The following BUB1B variants were observed in gnomAD, a reference collection of about 807,000 sequenced individuals.
BUB1B encodes the protein mitotic checkpoint serine/threonine-protein kinase BUB1 beta.
A neutral mutation model predicts 137.7 loss-of-function variants in BUB1B; 86 were observed. That is an observed-to-expected ratio of 0.62 (90% CI 0.52 to 0.75). The LOEUF (loss-of-function observed/expected upper bound fraction) is 0.75, where lower values mean the gene tolerates loss of function less well. Ranked by LOEUF, BUB1B falls within the 30% of genes least tolerant of loss-of-function variation. The pLI, the probability that BUB1B is intolerant of heterozygous loss-of-function variation, is 0.00. For synonymous variants in BUB1B, 420 were observed against 417.9 expected, an observed-to-expected ratio of 1.00 and a Z score of -0.06; for missense variants, 1,130 against 1,236.9, an observed-to-expected ratio of 0.91 and a Z score of 1.30.
chr15:40,196,479 T>G, intron 8 of BUB1B, 66 bp from the exon 9 acceptor site: 1 of 1,401,518 alleles, frequency 7.1e-7, no homozygotes, highest in African/African-American at 1.4e-5. Flanking sequence ...TTTTAGCTTC[T>G]TTTATCAATC....
At chr15:40,217,256 AT>A (rs1415085153) in intron 20 of BUB1B, among the ~76,000 whole-genome samples, 1 of 152,188 alleles carries the variant, frequency 6.6e-6, no homozygotes, top group Non-Finnish European at 1.5e-5. Flanking sequence ...TAAATGTTTA[AT>A]GGTGGCCATG....
chr15:40,220,491 A>G (rs1036885375), intron 22 of BUB1B, 73 bp from the exon 23 acceptor site: 32 of 1,501,410 alleles, frequency 2.1e-5, no homozygotes, highest in Non-Finnish European at 2.6e-5. Context: ...TAAATGTACC[A>G]CTGAGTTAAA....
At chr15:40,186,667 G>A (rs533873692) in intron 8 of BUB1B, among the ~76,000 whole-genome samples, 41 of 150,278 alleles carry the variant, frequency 2.7e-4, no homozygotes, top group African/African-American at 7.3e-4. Flanking sequence ...GGATGGTCTC[G>A]ATCTCCTGAC....
intron 8 of BUB1B, among the ~76,000 whole-genome samples, chr15:40,191,779 C>T (rs2037441507): frequency 1.3e-5 from 2 of 152,220 alleles, no homozygotes; most frequent in South Asian, 4.2e-4. Context: ...ATCAGTTGAC[C>T]AAAATGTATG....
At position 40,217,659 on chromosome 15, in the gene BUB1B, C is replaced by G. The variant is rs2037815515; in HGVS notation, c.2842C>G (p.Pro948Ala). 6.2e-7 allele frequency: 1 copy of G among 1,614,178 alleles called. No individual in the cohort carries two copies. Among genetic ancestry groups the G allele is most frequent in the African/African-American group, 1.3e-5 (1 of 75,046 alleles). ...GQKILANCSSPYQVDLFGIAD... is the reference protein window; with the variant it reads ...GQKILANCSSAYQVDLFGIAD... ...AAAGATCCTGGCTAACTGTTCTTCT[C>G]CCTACCAGGTAAGTGTAAAACAAGC... The change falls in exon 21 of 23, where the codon CCC becomes GCC. Residue 948 changes from proline to alanine, a missense_variant. Coordinates refer to ENST00000287598, the MANE Select transcript of BUB1B (RefSeq NM_001211.6).
At chr15:40,210,681 T>C (rs2037699925) in intron 18 of BUB1B, among the ~76,000 whole-genome samples, 1 of 152,090 alleles carries the variant, frequency 6.6e-6, no homozygotes, top group African/African-American at 2.4e-5. Flanking sequence ...AGCTAATTAT[T>C]TTTTGTAGAG....
At chr15:40,165,544 C>T (rs1373443983) in intron 2 of BUB1B, among the ~76,000 whole-genome samples, 1 of 151,822 alleles carries the variant, frequency 6.6e-6, no homozygotes, top group South Asian at 2.1e-4. Context: ...GAGAGTATGA[C>T]AAAAAAAGAA....
intron 5 of BUB1B, among the ~76,000 whole-genome samples, chr15:40,182,210 C>T (rs937010947): frequency 6.6e-6 from 1 of 152,320 alleles, no homozygotes; most frequent in African/African-American, 2.4e-5. Flanking sequence ...TCTCAAAAAA[C>T]AAAATAAAAT....
chr15:40,176,611 G>C lies in BUB1B; in HGVS notation c.519G>C (p.Ala173=). ...EARENFRKAD[A]IFQEGIQQKA... is the part of the protein sequence containing the mutation. ...GAGAAAACTTTAGGAAAGCAGATGC[G>C]ATATTTCAGGAAGGGATTCAACAGA... is the stretch of plus-strand genomic sequence containing the variant. The change falls in exon 5 of 23, where the codon GCG becomes GCC. Residue 173 remains alanine (A), a synonymous_variant. Coordinates refer to ENST00000287598, the MANE Select transcript of BUB1B (RefSeq NM_001211.6). 2 of 1,614,070 alleles carry C rather than the reference G, an allele frequency of 1.2e-6. No homozygotes were observed. Among genetic ancestry groups the C allele is most frequent in the African/African-American group, 1.3e-5 (1 of 75,010 alleles).
intron 8 of BUB1B, among the ~76,000 whole-genome samples, chr15:40,189,077 CTG>C (rs1286709262): frequency 6.6e-6 from 1 of 152,090 alleles, no homozygotes; most frequent in South Asian, 2.1e-4. Context: ...TAGCAACCAA[CTG>C]TTTTTTTCTC....
chr15:40,213,285 T>A (rs2037736664), intron 19 of BUB1B, 47 bp from the exon 20 acceptor site: 1 of 1,606,182 alleles, frequency 6.2e-7, no homozygotes, highest in African/African-American at 1.3e-5. Context: ...ATAACTACGA[T>A]CTGCCAAACT....
At chr15:40,213,067 G>C (rs2037734260) in intron 19 of BUB1B, among the ~76,000 whole-genome samples, 1 of 148,524 alleles carries the variant, frequency 6.7e-6, no homozygotes, top group Non-Finnish European at 1.5e-5. Context: ...TTGGAATGAG[G>C]GTATTTTAAA....
chr15:40,170,636 A>T lies in BUB1B; in HGVS notation c.339A>T (p.Lys113Asn). ...CTGTAGAAGCACTACAAGGAGAAAA[A>T]CGATATTATAGTGATCCTCGATTTC... The part of the protein sequence containing the change: ...ERAVEALQGE[K>N]RYYSDPRFLN... The change falls in exon 4 of 23, where the codon AAA (lysine) becomes AAT (asparagine). Residue 113 changes from lysine to asparagine, a missense_variant. Lys to Asn is a moderately conservative substitution (Grantham distance 94, BLOSUM62 0). Transcript: ENST00000287598. 4 of 1,613,724 alleles carry T rather than the reference A, an allele frequency of 2.5e-6. No individual in the cohort carries two copies. The highest frequency in any genetic ancestry group is 3.4e-6 in the Non-Finnish European group (4 of 1,179,724).
chr15:40,185,675 A>C (rs2037352868), intron 8 of BUB1B, 33 bp downstream of exon 8: 1 of 1,586,712 alleles, frequency 6.3e-7, no homozygotes, highest in East Asian at 2.2e-5. Flanking sequence ...TTGAAGTGGG[A>C]ATTATTAAGG....
rs745796231 is a variant in BUB1B at position 40,185,210 on chromosome 15, T to C, written c.797T>C (p.Met266Thr). The C allele has an allele frequency of 1.2e-6, 2 of 1,614,186 alleles. No homozygotes were observed. The highest frequency in any genetic ancestry group is 1.7e-6 in the Non-Finnish European group (2 of 1,180,032). The change falls in exon 7 of 23, where the codon ATG becomes ACG. Residue 266 changes from methionine to threonine, a missense_variant. Transcript: ENST00000287598. ...CTCCAAAATCCATTTCCTCAACAGATGCAAAATAATAGTAGAATTACTGTT... is the reference window on the plus strand; with the variant it reads ...CTCCAAAATCCATTTCCTCAACAGACGCAAAATAATAGTAGAATTACTGTT... ...RGLQNPFPQQ[M>T]QNNSRITVFD...
intron 6 of BUB1B, 59 bp downstream of exon 6, chr15:40,183,942 A>G (rs1270556579): frequency 1.3e-6 from 2 of 1,549,222 alleles, no homozygotes; most frequent in Non-Finnish European, 8.9e-7. Context: ...AAATCATGTA[A>G]GAAGATAATA....
At chr15:40,185,122 T>C (rs371282671) in intron 6 of BUB1B, 43 bp from the exon 7 acceptor site, 476 of 1,529,402 alleles carry the variant, frequency 3.1e-4, no homozygotes, top group Non-Finnish European at 3.9e-4. Context: ...TCTAAGTTAA[T>C]AATGAAACAT....
chr15:40,161,224 G>A lies in BUB1B; in HGVS notation c.4G>A (p.Ala2Thr). The change falls in exon 1 of 23, where the codon GCG (alanine) becomes ACG (threonine). Residue 2 changes from alanine to threonine, a missense_variant. Transcript: ENST00000287598. M[A>T]AVKKEGGALS... ...GGACCTGAGCCAGGAATGCAGGATG[G>A]CGGCGGTGAAGAAGGAAGGGGGTGC... 2 of 1,613,534 alleles carry A rather than the reference G, an allele frequency of 1.2e-6. No individual in the cohort carries two copies. The highest frequency in any genetic ancestry group is 1.7e-6 in the Non-Finnish European group (2 of 1,179,708).
At chr15:40,202,774 T>A in intron 14 of BUB1B, 80 bp downstream of exon 14, 2 of 1,201,882 alleles carry the variant, frequency 1.7e-6, no homozygotes, top group Non-Finnish European at 2.5e-6. Flanking sequence ...AAGGTTAAAA[T>A]TGAAACCACT....
Sources: allele counts gnomAD v4.1 joint callset (sites outside exome capture counted in the v4.1 genomes callset), GRCh38; gene constraint gnomAD v4.1.1; transcripts MANE v1.5; gene names NCBI Gene and HGNC (gene_info 2026-07-23, HGNC 2026-07-21).